NALF1: variants seen among roughly 807,000 people sequenced by gnomAD.
NALF1 encodes the protein family with sequence similarity 155 member A.
Under a neutral mutation model 48.4 loss-of-function variants are expected in NALF1, and 3 were observed. The ratio of observed to expected loss-of-function variants is 0.06; its 90% CI spans 0.03 to 0.16. The LOEUF (loss-of-function observed/expected upper bound fraction) is 0.16. NALF1 is among the 10% of genes least tolerant of loss of function. The probability of loss-of-function intolerance (pLI) is 1.00; values close to 1 mark genes in which losing one functional copy is unlikely to be tolerated. For missense variants in NALF1, 526 were observed against 571.5 expected (o/e 0.92, Z 0.81); for synonymous variants, 262 against 245.7 (o/e 1.07, Z -0.62).
chr13:107,407,537 G>A (rs1358353948), intron 1 of NALF1, among the ~76,000 whole-genome samples: 1 of 152,072 alleles, frequency 6.6e-6, no homozygotes, highest in Admixed American at 6.6e-5. Context: ...TCAGAGAAAT[G>A]CCAATCAAAA....
chr13:107,771,113 T>C (rs186193764), intron 1 of NALF1, among the ~76,000 whole-genome samples: 171 of 152,322 alleles, frequency 1.1e-3, no homozygotes, highest in Non-Finnish European at 1.3e-3. Context: ...CAGATTAAAT[T>C]TGCATTATGT....
chr13:107,510,231 GT>G (rs1380897814), intron 1 of NALF1, among the ~76,000 whole-genome samples: 4 of 152,158 alleles, frequency 2.6e-5, no homozygotes, highest in Non-Finnish European at 5.9e-5. Context: ...TTTCACTGAT[GT>G]TTTCACACCC....
chr13:107,419,580 C>A (rs1050478994), intron 1 of NALF1, among the ~76,000 whole-genome samples: 2 of 152,144 alleles, frequency 1.3e-5, no homozygotes, highest in Non-Finnish European at 2.9e-5. Context: ...TGGAAGTCCC[C>A]ATTGGGAGAT....
chr13:107,525,255 A>C (rs1469937571), intron 1 of NALF1, among the ~76,000 whole-genome samples: 1 of 152,180 alleles, frequency 6.6e-6, no homozygotes, highest in South Asian at 2.1e-4. Flanking sequence ...TCCCTCATAC[A>C]ATCCACTTAC....
intron 2 of NALF1, among the ~76,000 whole-genome samples, chr13:107,177,798 C>T (rs761023382): frequency 2.0e-5 from 3 of 152,194 alleles, no homozygotes; most frequent in Non-Finnish European, 4.4e-5. Flanking sequence ...ACTTGTAACC[C>T]TAGCACTTTG....
At position 107,436,911 on chromosome 13, in the gene NALF1, A is replaced by G. The variant is rs977546751; in HGVS notation, c.916-226156T>C. Among the ~76,000 whole-genome samples, 3 of 152,298 alleles carry G rather than the reference A, an allele frequency of 2.0e-5. No homozygotes were observed. The South Asian group carries it at 6.2e-4, about 32-fold the overall frequency. On this transcript the variant is annotated intron_variant, in intron 1 of 2. Coordinates refer to ENST00000375915, the MANE Select transcript of NALF1 (RefSeq NM_001080396.3). ...CTATTTTGTTTTATGTACTAACAAT[A>G]TATTTTTGTTCATCAAGAGACTATA... is the stretch of plus-strand genomic sequence containing the variant.
At chr13:107,553,425 C>A (rs1465645191) in intron 1 of NALF1, among the ~76,000 whole-genome samples, 2 of 152,058 alleles carry the variant, frequency 1.3e-5, no homozygotes, top group Non-Finnish European at 2.9e-5. Flanking sequence ...ACATTTTAGG[C>A]AAATGTTTAT....
chr13:107,832,757 T>TGTCTCGCTAATTACAAGAATCTCCTAA (rs1879777886), intron 1 of NALF1, among the ~76,000 whole-genome samples: 2 of 152,212 alleles, frequency 1.3e-5, no homozygotes, highest in South Asian at 4.1e-4. Flanking sequence ...TGCTCTCCTC[T>TGTCTCGCTAATTACAAGAATCTCCTAA]GTCTCGCTAA....
At chr13:107,432,376 C>T (rs1395169074) in intron 1 of NALF1, among the ~76,000 whole-genome samples, 1 of 152,124 alleles carries the variant, frequency 6.6e-6, no homozygotes, top group African/African-American at 2.4e-5. Context: ...TTACTATCAT[C>T]ACAAATTTCT....
At chr13:107,839,707 T>G (rs1879994851) in intron 1 of NALF1, among the ~76,000 whole-genome samples, 1 of 152,010 alleles carries the variant, frequency 6.6e-6, no homozygotes, top group African/African-American at 2.4e-5. Flanking sequence ...TAAGTATTAT[T>G]TAATTTTTAA....
At chr13:107,710,586 G>A (rs558139402) in intron 1 of NALF1, among the ~76,000 whole-genome samples, 1 of 152,168 alleles carries the variant, frequency 6.6e-6, no homozygotes, top group African/African-American at 2.4e-5. Flanking sequence ...GGCATCAGGA[G>A]AGAGAGTGAG....
chr13:107,263,597 G>A (rs1220162815), intron 1 of NALF1, among the ~76,000 whole-genome samples: 1 of 152,020 alleles, frequency 6.6e-6, no homozygotes, highest in Non-Finnish European at 1.5e-5. Flanking sequence ...GAGATCTGAT[G>A]GTTTTATAAG....
intron 1 of NALF1, among the ~76,000 whole-genome samples, chr13:107,861,623 A>T (rs1880570683): frequency 6.6e-6 from 1 of 152,188 alleles, no homozygotes; most frequent in Non-Finnish European, 1.5e-5. Context: ...TCTCTATGAA[A>T]AATACAAAAA....
At position 107,168,488 on chromosome 13, in the gene NALF1, C is replaced by T. The variant is rs915835882; in HGVS notation, c.*2009G>A. Reference sequence around the variant, plus strand: ...CCACATGTGAATGTATTTGCATTTGCAGAAAAAAAAATTTTAAAAAAGGAA... The same window carrying T: ...CCACATGTGAATGTATTTGCATTTGTAGAAAAAAAAATTTTAAAAAAGGAA... On this transcript the variant is annotated 3_prime_UTR_variant, in exon 3 of 3. Coordinates refer to ENST00000375915, the MANE Select transcript of NALF1 (RefSeq NM_001080396.3). 2 of 151,788 alleles carry T rather than the reference C, an allele frequency of 1.3e-5. No individual in the cohort carries two copies. The highest frequency in any genetic ancestry group is 2.9e-5 in the Non-Finnish European group (2 of 67,948). The allele number at this position is 151,788 out of a possible 1,614,324, so 9.4% of individuals were successfully genotyped here.
At chr13:107,607,735 A>G (rs2050667110) in intron 1 of NALF1, among the ~76,000 whole-genome samples, 1 of 152,072 alleles carries the variant, frequency 6.6e-6, no homozygotes, top group African/African-American at 2.4e-5. Context: ...TAGCTGTGTG[A>G]CCCTGGGCAA....
chr13:107,498,049 G>A lies in NALF1; in HGVS notation c.916-287294C>T, dbSNP rs533509304. Among the ~76,000 whole-genome samples, 11 of 57,396 alleles carry A rather than the reference G, an allele frequency of 1.9e-4. No homozygotes were observed. The East Asian group carries it at 5.4e-3, about 28-fold the overall frequency. 37.7% of individuals were successfully genotyped at this position (57,396 alleles called of 152,430 possible). ...CAAAAAATCAGATGAAGCTAATAAC[G>A]TGATATTTTATTAGTTTGATGTTAG... On this transcript the variant is annotated intron_variant, in intron 1 of 2. Transcript: ENST00000375915.
intron 1 of NALF1, among the ~76,000 whole-genome samples, chr13:107,556,296 T>TATATATATATATATAC (rs1181358439): frequency 1.0e-5 from 1 of 98,580 alleles, no homozygotes; most frequent in African/African-American, 3.8e-5. Flanking sequence ...TATATATATA[T>TATATATATATATATAC]ACACACACAC....
At chr13:107,685,155 A>T (rs1881404722) in intron 1 of NALF1, among the ~76,000 whole-genome samples, 1 of 152,024 alleles carries the variant, frequency 6.6e-6, no homozygotes, top group Admixed American at 6.5e-5. Context: ...TGTACTAAAA[A>T]TACAAAAAAT....
At chr13:107,525,401 G>C (rs1387024912) in intron 1 of NALF1, among the ~76,000 whole-genome samples, 1 of 152,050 alleles carries the variant, frequency 6.6e-6, no homozygotes, top group Non-Finnish European at 1.5e-5. Flanking sequence ...CTTTCACTCA[G>C]GATATGCCTT....
Sources: gnomAD v4.1 joint callset for allele counts (sites outside exome capture counted in the v4.1 genomes callset) on GRCh38, gnomAD v4.1.1 for gene constraint, MANE v1.5 for transcripts, NCBI Gene and HGNC (gene_info 2026-07-23, HGNC 2026-07-21) for gene names.